The following SULT4A1 variants were observed in gnomAD, a reference collection of about 807,000 sequenced individuals.
The protein encoded by SULT4A1 is sulfotransferase family 4A member 1.
A neutral mutation model predicts 35.2 loss-of-function variants in SULT4A1; 11 were observed. That is an observed-to-expected ratio of 0.31 (90% CI 0.20 to 0.52). The LOEUF is 0.52. Among genes scored for constraint, SULT4A1 ranks in the 20% least tolerant of loss-of-function variants. SULT4A1 has a pLI of 0.97. For synonymous variants in SULT4A1, 152 were observed against 151.8 expected (o/e 1.00, Z -0.01); for missense variants, 271 against 383.7 (o/e 0.71, Z 2.45).
At chr22:43,838,505 A>C (rs1350245483) in intron 4 of SULT4A1, among the ~76,000 whole-genome samples, 2 of 152,256 alleles carry the variant, frequency 1.3e-5, no homozygotes. Context: ...TCCAGGCCCT[A>C]TCACTAACAG....
intron 6 of SULT4A1, chr22:43,827,484 A>T: frequency 7.8e-7 from 1 of 1,286,982 alleles, no homozygotes; most frequent in Non-Finnish European, 1.0e-6. Context: ...CAGCTGAGAC[A>T]GCTGAGAGCT....
intron 1 of SULT4A1, among the ~76,000 whole-genome samples, chr22:43,851,078 T>C (rs1318595096): frequency 6.6e-6 from 1 of 152,194 alleles, no homozygotes; most frequent in African/African-American, 2.4e-5. Context: ...TTTCTTATAT[T>C]TTTGCTCTTG....
intron 4 of SULT4A1, among the ~76,000 whole-genome samples, chr22:43,838,400 C>T (rs186640956): frequency 8.6e-5 from 13 of 152,002 alleles, no homozygotes; most frequent in Non-Finnish European, 1.2e-4. Flanking sequence ...CTGTCCTCCT[C>T]CCAGCGGGCA....
At chr22:43,848,187 C>A (rs1236685031) in intron 1 of SULT4A1, among the ~76,000 whole-genome samples, 1 of 152,202 alleles carries the variant, frequency 6.6e-6, no homozygotes, top group Non-Finnish European at 1.5e-5. Flanking sequence ...TGCCACCTTC[C>A]AGAAAATGGA....
chr22:43,832,248 G>A (rs1316002335), intron 5 of SULT4A1, among the ~76,000 whole-genome samples: 2 of 152,190 alleles, frequency 1.3e-5, no homozygotes, highest in African/African-American at 4.8e-5. Context: ...ACAAGAGGCA[G>A]ACAGGTGGAG....
intron 1 of SULT4A1, among the ~76,000 whole-genome samples, chr22:43,853,110 A>G (rs533059136): frequency 6.6e-6 from 1 of 151,976 alleles, no homozygotes; most frequent in East Asian, 1.9e-4. Flanking sequence ...ACGCACACAC[A>G]CACCAGACAC....
intron 1 of SULT4A1, among the ~76,000 whole-genome samples, chr22:43,854,575 C>T (rs1248608063): frequency 6.6e-6 from 1 of 152,236 alleles, no homozygotes; most frequent in Admixed American, 6.5e-5. Context: ...AGGTCACCTG[C>T]AGCGCTGGTG....
In SULT4A1 at chr22:43,838,949, A is replaced by G. The variant is rs778596004; in HGVS notation, c.426T>C (p.Tyr142=). ...TCCGCAGAGAGCGGTGGAACTGATAATAAGACACCACCAGATCCTTGGGGT... is the reference window on the plus strand; with the variant it reads ...TCCGCAGAGAGCGGTGGAACTGATAGTAAGACACCACCAGATCCTTGGGGT... ...ARNPKDLVVS[Y]YQFHRSLRTM... Residue 142 remains tyrosine (Y), a synonymous_variant, in exon 4 of 7, where the codon TAT becomes TAC. Transcript: ENST00000330884. 30 of 1,614,052 alleles carry G rather than the reference A, an allele frequency of 1.9e-5. No homozygotes were observed. The African/African-American group carries it at 3.7e-4, about 20-fold the overall frequency.
At chr22:43,842,111 G>A (rs1368548554) in intron 1 of SULT4A1, among the ~76,000 whole-genome samples, 179 bp from the exon 2 acceptor site, 1 of 152,198 alleles carries the variant, frequency 6.6e-6, no homozygotes, top group Non-Finnish European at 1.5e-5. Flanking sequence ...CCCCGTGCTG[G>A]GTCATGGGCC....
At chr22:43,859,364 G>A (rs575960598) in intron 1 of SULT4A1, among the ~76,000 whole-genome samples, 5 of 152,360 alleles carry the variant, frequency 3.3e-5, no homozygotes, top group Admixed American at 6.5e-5. Flanking sequence ...GTGAGAATGC[G>A]CACACACTTC....
chr22:43,829,171 C>T lies in SULT4A1; in HGVS notation c.631G>A (p.Ala211Thr). The change falls in exon 6 of 7, where the codon GCC becomes ACC. Residue 211 changes from alanine (A) to threonine (T), a missense_variant. Ala to Thr is a moderately conservative substitution (Grantham distance 58, BLOSUM62 0). Coordinates refer to ENST00000330884, the MANE Select transcript of SULT4A1 (RefSeq NM_014351.4). Reference sequence around the variant, plus strand: ...TCACAGGACACCCCCAGGAATCTGGCCAGCTGCTCCACCATCGTCACCAGG... The same window carrying T: ...TCACAGGACACCCCCAGGAATCTGGTCAGCTGCTCCACCATCGTCACCAGG... ...RDLVTMVEQL[A>T]RFLGVSCDKA... is the part of the protein sequence containing the mutation. 1 of 1,565,528 alleles carries T rather than the reference C, an allele frequency of 6.4e-7. No homozygotes were observed. Among genetic ancestry groups the T allele is most frequent in the Non-Finnish European group, 8.7e-7 (1 of 1,155,210 alleles).
intron 1 of SULT4A1, among the ~76,000 whole-genome samples, chr22:43,851,889 T>C (rs1179494122): frequency 2.0e-5 from 3 of 152,194 alleles, no homozygotes; most frequent in African/African-American, 7.2e-5. Flanking sequence ...CGTTCCCACC[T>C]GGCCACCCTC....
At chr22:43,850,884 TTC>T (rs997088779) in intron 1 of SULT4A1, among the ~76,000 whole-genome samples, 4 of 152,088 alleles carry the variant, frequency 2.6e-5, no homozygotes, top group African/African-American at 7.2e-5. Flanking sequence ...GGGCCCATTT[TTC>T]TCTCTGTGGG....
chr22:43,839,987 G>A lies in SULT4A1; in HGVS notation c.339C>T (p.Pro113=), dbSNP rs945609985. The A allele has an allele frequency of 3.7e-6, 6 of 1,610,792 alleles. No homozygotes were observed. Among genetic ancestry groups the A allele is most frequent in the Non-Finnish European group, 5.1e-6 (6 of 1,178,976 alleles). The change falls in exon 3 of 7, where the codon CCC becomes CCT. Residue 113 remains proline (P), a synonymous_variant. Coordinates refer to ENST00000330884, the MANE Select transcript of SULT4A1 (RefSeq NM_014351.4). ...TSPRLIKSHL[P]YRFLPSDLHN... is the part of the protein sequence containing the mutation. Reference sequence around the variant, plus strand: ...GGAGGTCAGAGGGCAGAAAGCGGTAGGGCAGGTGGCTCTTGATGAGGCGGG... The same window carrying A: ...GGAGGTCAGAGGGCAGAAAGCGGTAAGGCAGGTGGCTCTTGATGAGGCGGG...
At chr22:43,839,392 A>C (rs1191677837) in intron 3 of SULT4A1, among the ~76,000 whole-genome samples, 1 of 152,144 alleles carries the variant, frequency 6.6e-6, no homozygotes. Flanking sequence ...TCAGTAGTTC[A>C]AGACCAGCCT....
intron 5 of SULT4A1, among the ~76,000 whole-genome samples, chr22:43,830,599 G>A (rs1166895115): frequency 6.6e-5 from 10 of 152,242 alleles, no homozygotes; most frequent in East Asian, 3.9e-4. Context: ...CGGAGCCAGC[G>A]TGTTGGGGTC....
chr22:43,840,826 C>A (rs570576859), intron 2 of SULT4A1, among the ~76,000 whole-genome samples: 71 of 152,332 alleles, frequency 4.7e-4, no homozygotes, highest in African/African-American at 1.7e-3. Context: ...TGCCTGCAAC[C>A]CCCAGGCTTG....
chr22:43,838,165 G>A (rs747009387), intron 4 of SULT4A1, among the ~76,000 whole-genome samples: 5 of 152,260 alleles, frequency 3.3e-5, no homozygotes, highest in Non-Finnish European at 7.3e-5. Flanking sequence ...AGGTGGCCCA[G>A]CGGGGCAAGA....
intron 2 of SULT4A1, among the ~76,000 whole-genome samples, chr22:43,840,483 T>C (rs1007898698): frequency 9.2e-5 from 14 of 152,066 alleles, no homozygotes; most frequent in African/African-American, 3.1e-4. Flanking sequence ...ACAAGGGTCC[T>C]TGACTTTGGC....
Sources: allele counts gnomAD v4.1 joint callset (sites outside exome capture counted in the v4.1 genomes callset), GRCh38; gene constraint gnomAD v4.1.1; transcripts MANE v1.5; gene names NCBI Gene and HGNC (gene_info 2026-07-23, HGNC 2026-07-21).